ERFL: variants seen among roughly 807,000 people sequenced by gnomAD.
The protein encoded by ERFL is ETS domain-containing transcription factor ERF-like.
Under a neutral mutation model 27.9 loss-of-function variants are expected in ERFL, and 8 were observed. That is an observed-to-expected ratio of 0.29 (90% confidence interval 0.17 to 0.52). ERFL has a LOEUF of 0.52. Among genes scored for constraint, ERFL ranks in the 20% least tolerant of loss-of-function variants. ERFL has a pLI of 0.97. For missense variants in ERFL, 294 were observed against 444.4 expected, an observed-to-expected ratio of 0.66 and a Z score of 3.04; for synonymous variants, 174 against 202.8, an observed-to-expected ratio of 0.86 and a Z score of 1.21.
intron 1 of ERFL, chr19:41,923,166 G>C (rs547666671): frequency 4.4e-6 from 2 of 456,484 alleles, no homozygotes; most frequent in South Asian, 3.1e-5. Flanking sequence ...TGGAAACTGA[G>C]GTTCTGACAG....
intron 1 of ERFL, among the ~76,000 whole-genome samples, chr19:41,914,182 G>GC (rs2074772216): frequency 7.2e-6 from 1 of 139,604 alleles, no homozygotes; most frequent in East Asian, 2.1e-4. Context: ...CCTCCCATCT[G>GC]CCTCCTGGAG....
Position 41,918,745 on chromosome 19 carries a change from TACAC to T in ERFL, c.-13-5817_-13-5814del, listed in dbSNP as rs140071564. 3.2e-3 allele frequency among the ~76,000 whole-genome samples: 385 copies of T among 121,204 alleles called. 1 individual carries two copies. The highest frequency in any genetic ancestry group is 7.5e-3 in the Middle Eastern group (1 of 134). 79.5% of individuals were successfully genotyped at this position (121,204 alleles called of 152,430 possible). A position where few individuals can be genotyped will look rare whatever the true frequency, so the allele number is the denominator to read the frequency against. On this transcript the variant is annotated intron_variant, in intron 1 of 5. Transcript: ENST00000597630. Reference sequence around the variant, plus strand: ...TACACACCACACACCACCCCACACATACACACACCACATATACATCTACCACACA... The same window carrying T: ...TACACACCACACACCACCCCACACATACACCACATATACATCTACCACACA...
In ERFL at chr19:41,917,374, G is replaced by A. The variant is rs2074807561; in HGVS notation, c.-13-4442C>T. On this transcript the variant is annotated intron_variant, in intron 1 of 5. Transcript: ENST00000597630. This position sits in a 1 kb window ranked among gnomAD's most constrained non-coding sequence, Gnocchi z 4.8. ...CCATCACCACGCCCCCCTGGGCTGG[G>A]GTTTAACCAGTTGTTTTGATTTCTC... Among the ~76,000 whole-genome samples, 1 of 151,798 alleles carries A rather than the reference G, an allele frequency of 6.6e-6. No individual in the cohort carries two copies. The highest frequency in any genetic ancestry group is 2.4e-5 in the African/African-American group (1 of 41,270).
intron 2 of ERFL, among the ~76,000 whole-genome samples, chr19:41,912,431 C>T (rs781818977): frequency 1.3e-5 from 2 of 152,222 alleles, no homozygotes; most frequent in Non-Finnish European, 2.9e-5. Context: ...CGGGTCGTGC[C>T]TGCACGTACC....
intron 2 of ERFL, among the ~76,000 whole-genome samples, chr19:41,911,277 G>GTGT (rs1568829956): frequency 6.6e-6 from 1 of 152,172 alleles, no homozygotes; most frequent in Non-Finnish European, 1.5e-5. Context: ...TCCAACTTCT[G>GTGT]TGTTCACTCT....
intron 1 of ERFL, chr19:41,923,126 C>T (rs192307989): frequency 2.8e-5 from 13 of 456,400 alleles, no homozygotes; most frequent in Admixed American, 1.2e-4. Context: ...GAGGTAGGAA[C>T]TGCCATGATG....
Position 41,910,072 on chromosome 19 carries a change from G to A in ERFL, c.93C>T (p.Tyr31=), listed in dbSNP as rs1264450129. The change falls in exon 3 of 6, where the codon TAC becomes TAT. Residue 31 remains tyrosine, a synonymous_variant. Transcript: ENST00000597630. This position sits in a 1 kb window ranked among gnomAD's most constrained non-coding sequence, Gnocchi z 4.4. ...TPGFAFPDWA[Y]KPESSPGSRQ... Reference sequence around the variant, plus strand: ...TCGAGCCAGGGGATGACTCTGGCTTGTAGGCCCAATCCGGGAAGGCAAACC... The same window carrying A: ...TCGAGCCAGGGGATGACTCTGGCTTATAGGCCCAATCCGGGAAGGCAAACC... 4.2e-5 allele frequency: 67 copies of A among 1,613,108 alleles called. No individual in the cohort carries two copies. Among genetic ancestry groups the A allele is most frequent in the Non-Finnish European group, 5.6e-5 (66 of 1,179,856 alleles).
chr19:41,918,769 C>T (rs979622245), intron 1 of ERFL, among the ~76,000 whole-genome samples: 3 of 149,854 alleles, frequency 2.0e-5, no homozygotes, highest in East Asian at 3.9e-4. Flanking sequence ...ATACATCTAC[C>T]ACACACATAC....
rs1185364831 is a variant in ERFL at position 41,917,813 on chromosome 19, C to G, written c.-13-4881G>C. Among the ~76,000 whole-genome samples, 1 of 151,972 alleles carries G rather than the reference C, an allele frequency of 6.6e-6. No homozygotes were observed. The highest frequency in any genetic ancestry group is 1.5e-5 in the Non-Finnish European group (1 of 67,982). ...CTAGTAGGCACACACACACCATGCACAGCCCCAGCCATGGGACGGCTGCCA... is the reference window on the plus strand; with the variant it reads ...CTAGTAGGCACACACACACCATGCAGAGCCCCAGCCATGGGACGGCTGCCA... On this transcript the variant is annotated intron_variant, in intron 1 of 5. Transcript: ENST00000597630. This position sits in a 1 kb window ranked among gnomAD's most constrained non-coding sequence, Gnocchi z 4.8.
chr19:41,908,072 C>CG lies in ERFL; in HGVS notation c.*155_*156insC, dbSNP rs1198809168. On this transcript the variant is annotated 3_prime_UTR_variant, in exon 6 of 6. Transcript: ENST00000597630. This position sits in a 1 kb window ranked among gnomAD's most constrained non-coding sequence, Gnocchi z 6.7. ...CCTCTGTGGAGGGGGAAGTGAGACCCCCCCCACTCTGGGGCTGGGGAAGGA... is the reference window on the plus strand; with the variant it reads ...CCTCTGTGGAGGGGGAAGTGAGACCCGCCCCCACTCTGGGGCTGGGGAAGGA... 11 of 497,282 alleles carry CG rather than the reference C, an allele frequency of 2.2e-5. No homozygotes were observed. Among genetic ancestry groups the CG allele is most frequent in the African/African-American group, 1.6e-4 (8 of 50,042 alleles). The allele number at this position is 497,282 out of a possible 1,614,324, so 30.8% of individuals were successfully genotyped here.
chr19:41,911,272 C>T (rs782008242), intron 2 of ERFL, among the ~76,000 whole-genome samples: 1 of 152,200 alleles, frequency 6.6e-6, no homozygotes, highest in Admixed American at 6.5e-5. Context: ...CTGGGTCCAA[C>T]TTCTGTGTTC....
intron 1 of ERFL, among the ~76,000 whole-genome samples, chr19:41,914,400 C>T (rs1026042857): frequency 6.6e-5 from 10 of 151,776 alleles, no homozygotes; most frequent in Non-Finnish European, 1.5e-4. Flanking sequence ...CCCTCTCCCT[C>T]TCGTCTCCAT....
Position 41,908,058 on chromosome 19 carries a change from G to A in ERFL, c.*170C>T, listed in dbSNP as rs1739819092. The A allele has an allele frequency of 2.0e-5, 9 of 455,880 alleles. No individual in the cohort carries two copies. Among genetic ancestry groups the A allele is most frequent in the Admixed American group, 4.4e-5 (1 of 22,766 alleles). The allele number at this position is 455,880 out of a possible 1,614,324, so 28.2% of individuals were successfully genotyped here. A position where few individuals can be genotyped will look rare whatever the true frequency, so the allele number is the denominator to read the frequency against. ...CACATTCCCTCTGTCCTCTGTGGAG[G>A]GGGAAGTGAGACCCCCCCCACTCTG... On this transcript the variant is annotated 3_prime_UTR_variant, in exon 6 of 6. Transcript: ENST00000597630. The surrounding 1 kb of genome is among the most constrained non-coding windows in gnomAD (Gnocchi z 6.7).
rs1268953649 is a variant in ERFL at position 41,916,277 on chromosome 19, T to G, written c.-13-3345A>C. Among the ~76,000 whole-genome samples, 3 of 127,890 alleles carry G rather than the reference T, an allele frequency of 2.3e-5. No homozygotes were observed. Among genetic ancestry groups the G allele is most frequent in the African/African-American group, 1.5e-4 (3 of 20,014 alleles). 83.9% of individuals were successfully genotyped at this position (127,890 alleles called of 152,430 possible). The stretch of plus-strand genomic sequence containing the variant: ...ACCACACACTGCATGAGCCCACATG[T>G]CAACAAAGTCACACACAGCACCACG... On this transcript the variant is annotated intron_variant, in intron 1 of 5. Coordinates refer to ENST00000597630, the MANE Select transcript of ERFL (RefSeq NM_001365103.2). This position sits in a 1 kb window ranked among gnomAD's most constrained non-coding sequence, Gnocchi z 5.4.
chr19:41,923,686 AGGCAGG>A (rs2074854287), intron 1 of ERFL, among the ~76,000 whole-genome samples: 1 of 33,250 alleles, frequency 3.0e-5, no homozygotes, highest in Non-Finnish European at 5.3e-5. Flanking sequence ...GTGTCTGGGG[AGGCAGG>A]GGTGTGCTGG....
At chr19:41,923,451 GAGAC>G (rs148967519) in intron 1 of ERFL, among the ~76,000 whole-genome samples, 41 of 151,406 alleles carry the variant, frequency 2.7e-4, no homozygotes, top group African/African-American at 8.5e-4. Flanking sequence ...GAGAGACTGG[GAGAC>G]AGACAGACAG....
chr19:41,923,256 G>A (rs2074852282), intron 1 of ERFL: 1 of 447,248 alleles, frequency 2.2e-6, no homozygotes, highest in Non-Finnish European at 4.5e-6. Flanking sequence ...CTAGGCCCCC[G>A]ATATTTGTAC....
In ERFL at chr19:41,917,803, A is replaced by T. The variant is rs536422644; in HGVS notation, c.-13-4871T>A. On this transcript the variant is annotated intron_variant, in intron 1 of 5. Coordinates refer to ENST00000597630, the MANE Select transcript of ERFL (RefSeq NM_001365103.2). The surrounding 1 kb of genome is among the most constrained non-coding windows in gnomAD (Gnocchi z 4.8). ...GTGACACCCACTAGTAGGCACACAC[A>T]CACCATGCACAGCCCCAGCCATGGG... Among the ~76,000 whole-genome samples, 1 of 151,918 alleles carries T rather than the reference A, an allele frequency of 6.6e-6. No individual in the cohort carries two copies. Among genetic ancestry groups the T allele is most frequent in the East Asian group, 1.9e-4 (1 of 5,158 alleles).
rs2074732330 is a variant in ERFL, at chr19:41,908,517, G to A, written c.776C>T (p.Ser259Phe). The A allele has an allele frequency of 8.1e-7, 1 of 1,231,654 alleles. No homozygotes were observed. The highest frequency in any genetic ancestry group is 4.1e-5 in the South Asian group (1 of 24,334). 76.3% of individuals were successfully genotyped at this position (1,231,654 alleles called of 1,614,324 possible). Reference protein sequence around the residue: ...PHFYPNPLASSLGHLPSSGAG... With the variant: ...PHFYPNPLASFLGHLPSSGAG... The stretch of plus-strand genomic sequence containing the variant: ...CCCTGACGAGGGCAGGTGGCCCAGG[G>A]AACTGGCCAGAGGGTTGGGGTAGAA... Residue 259 changes from serine (S) to phenylalanine (F), a missense_variant, in exon 6 of 6, where the codon TCC becomes TTC. Ser to Phe is a radical substitution (Grantham distance 155). Transcript: ENST00000597630. The surrounding 1 kb of genome is among the most constrained non-coding windows in gnomAD (Gnocchi z 6.7).
Sources: allele counts gnomAD v4.1 joint callset (sites outside exome capture counted in the v4.1 genomes callset), GRCh38; gene constraint gnomAD v4.1.1; non-coding constraint Gnocchi (gnomAD v3.1); transcripts MANE v1.5; gene names NCBI Gene and HGNC (gene_info 2026-07-23, HGNC 2026-07-21).